ITGA4: variants seen among roughly 807,000 people sequenced by gnomAD.
The protein encoded by ITGA4 is integrin subunit alpha 4.
In ITGA4, 63 loss-of-function variants were observed where a neutral mutation model predicts 133.6. The ratio of observed to expected loss-of-function variants is 0.47; its 90% CI spans 0.38 to 0.58. ITGA4 has a LOEUF of 0.58. ITGA4 is among the 20% of genes least tolerant of loss of function. The pLI is 0.00. For missense variants in ITGA4, 1,076 were observed against 1,252.7 expected, an observed-to-expected ratio of 0.86 and a Z score of 2.13; for synonymous variants, 483 against 438.0, an observed-to-expected ratio of 1.10 and a Z score of -1.28.
chr2:181,534,790 AGTTTT>A, intron 26 of ITGA4, 21 bp from the exon 27 acceptor site: 1 of 1,505,332 alleles, frequency 6.6e-7, no homozygotes, highest in African/African-American at 1.5e-5. Flanking sequence ...TTGGTTTTTG[AGTTTT>A]ATTTTTCTTA....
chr2:181,500,815 A>T (rs1331372989), intron 15 of ITGA4, among the ~76,000 whole-genome samples: 1 of 152,162 alleles, frequency 6.6e-6, no homozygotes, highest in East Asian at 1.9e-4. Context: ...ATACCAGTGA[A>T]TAAGACATAA....
rs200906508 is a variant in ITGA4 at position 181,536,143 on chromosome 2, A to C, written c.*616A>C. ...TATAGGCCAAACTGGCAAACTTCAG[A>C]CTGAACATGTACACTGGTTTGAGCT... On this transcript the variant is annotated 3_prime_UTR_variant, in exon 28 of 28. Coordinates refer to ENST00000397033, the MANE Select transcript of ITGA4 (RefSeq NM_000885.6). 6.6e-6 allele frequency: 1 copy of C among 151,990 alleles called. No individual in the cohort carries two copies. The highest frequency in any genetic ancestry group is 1.5e-5 in the Non-Finnish European group (1 of 67,968). 9.4% of individuals were successfully genotyped at this position (151,990 alleles called of 1,614,324 possible).
chr2:181,475,991 A>C, intron 4 of ITGA4: 21 of 1,018,960 alleles, frequency 2.1e-5, no homozygotes, highest in Admixed American at 3.7e-5. Flanking sequence ...ACCCTCACTC[A>C]AAAAAAATCC....
chr2:181,528,072 C>A (rs1294430407), intron 22 of ITGA4, among the ~76,000 whole-genome samples: 5 of 152,152 alleles, frequency 3.3e-5, no homozygotes, highest in African/African-American at 1.2e-4. Context: ...TCCAAGCATT[C>A]TTATAGAATA....
rs1040665883 is a variant in ITGA4, at chr2:181,536,664, C to G, written c.*1137C>G. On this transcript the variant is annotated 3_prime_UTR_variant, in exon 28 of 28. Transcript: ENST00000397033. ...TATACAGTGAATATAAATGAGACGA[C>G]AGCAAAATTTTCATGAAATGTAAAA... is the stretch of plus-strand genomic sequence containing the variant. 1 of 179,758 alleles carries G rather than the reference C, an allele frequency of 5.6e-6. No individual in the cohort carries two copies. Among genetic ancestry groups the G allele is most frequent in the Non-Finnish European group, 1.2e-5 (1 of 84,054 alleles). 11.1% of individuals were successfully genotyped at this position (179,758 alleles called of 1,614,324 possible).
chr2:181,512,122 T>C (rs1209333552), intron 17 of ITGA4, among the ~76,000 whole-genome samples: 3 of 152,084 alleles, frequency 2.0e-5, no homozygotes, highest in East Asian at 1.9e-4. Context: ...TATTTTATAA[T>C]GGCAAATAAA....
Position 181,482,618 on chromosome 2 carries a change from A to G in ITGA4, c.1008A>G (p.Glu336=), listed in dbSNP as rs760105496. The change falls in exon 9 of 28, where the codon GAA becomes GAG. Residue 336 remains glutamate (E), a synonymous_variant. Coordinates refer to ENST00000397033, the MANE Select transcript of ITGA4 (RefSeq NM_000885.6). Reference sequence around the variant, plus strand: ...CCATGCAGAGCACCATCAGAGAGGAAGGAAGAGTGTTTGTGTACATCAACT... The same window carrying G: ...CCATGCAGAGCACCATCAGAGAGGAGGGAAGAGTGTTTGTGTACATCAACT... ...GAPMQSTIRE[E]GRVFVYINSG... 1.2e-6 allele frequency: 2 copies of G among 1,613,744 alleles called. No individual in the cohort carries two copies. The highest frequency in any genetic ancestry group is 1.7e-6 in the Non-Finnish European group (2 of 1,179,688).
chr2:181,466,279 A>C (rs1298960351), intron 2 of ITGA4, among the ~76,000 whole-genome samples: 1 of 151,824 alleles, frequency 6.6e-6, no homozygotes, highest in African/African-American at 2.4e-5. Context: ...ACTCTTTCTA[A>C]ATAGAATAGA....
rs1686787393 is a variant in ITGA4, at chr2:181,524,231, AT to A, written c.2231del (p.Ile744ThrfsTer16). 1 of 1,585,590 alleles carries A rather than the reference AT, an allele frequency of 6.3e-7. No homozygotes were observed. The highest frequency in any genetic ancestry group is 1.4e-5 in the African/African-American group (1 of 73,576). ...SLSRAEEDLS[I>X]TVHATCENEE... ...CAGCAGAGCGGAAGAGGACCTCAGT[AT>A]CACAGTGCATGCTACCTGGTATAAT... On this transcript the variant is annotated frameshift_variant, in exon 20 of 28. Coordinates refer to ENST00000397033, the MANE Select transcript of ITGA4 (RefSeq NM_000885.6). LOFTEE classifies it high-confidence loss of function.
intron 2 of ITGA4, among the ~76,000 whole-genome samples, chr2:181,467,043 T>G (rs369458879): frequency 1.3e-5 from 2 of 152,190 alleles, no homozygotes; most frequent in African/African-American, 4.8e-5. Flanking sequence ...TCTGAAGTTA[T>G]GTGAGTGAAG....
At chr2:181,469,503 G>A (rs1316694563) in intron 2 of ITGA4, among the ~76,000 whole-genome samples, 1 of 152,210 alleles carries the variant, frequency 6.6e-6, no homozygotes, top group African/African-American at 2.4e-5. Flanking sequence ...GGAAGACAGT[G>A]TGGCGATTCC....
rs747159893 is a variant in ITGA4, at chr2:181,498,743, A to AAGC, written c.1662_1664dup (p.Ala555dup). 5.4e-5 allele frequency: 87 copies of AAGC among 1,611,822 alleles called. No individual in the cohort carries two copies. In the African/African-American group the frequency reaches 8.3e-4, roughly 15 times the overall value. ...GGAAGCATACAGGTGTCCAGCAGAGAAGCTAACTGTAGAACACATCAAGCA... is the reference window on the plus strand; with the variant it reads ...GGAAGCATACAGGTGTCCAGCAGAGAAGCAGCTAACTGTAGAACACATCAAGCA... On this transcript the variant is annotated inframe_insertion, in exon 15 of 28. Coordinates refer to ENST00000397033, the MANE Select transcript of ITGA4 (RefSeq NM_000885.6).
chr2:181,536,820 A>G lies in ITGA4; in HGVS notation c.*1293A>G, dbSNP rs1687134688. The G allele has an allele frequency of 3.0e-6, 1 of 330,028 alleles. No homozygotes were observed. The highest frequency in any genetic ancestry group is 2.5e-5 in the South Asian group (1 of 39,548). 20.4% of individuals were successfully genotyped at this position (330,028 alleles called of 1,614,324 possible). On this transcript the variant is annotated 3_prime_UTR_variant, in exon 28 of 28. Coordinates refer to ENST00000397033, the MANE Select transcript of ITGA4 (RefSeq NM_000885.6). Reference sequence around the variant, plus strand: ...CTTATGATCTAGATAATTGCAGAATATCATTTTATCTGACTCTGCCTTCAT... The same window carrying G: ...CTTATGATCTAGATAATTGCAGAATGTCATTTTATCTGACTCTGCCTTCAT...
chr2:181,501,977 C>T (rs991240393), intron 15 of ITGA4, among the ~76,000 whole-genome samples: 1 of 152,042 alleles, frequency 6.6e-6, no homozygotes, highest in Non-Finnish European at 1.5e-5. Flanking sequence ...GGGCCACCGT[C>T]TGTACTCTGG....
rs981756946 is a variant in ITGA4, at chr2:181,478,182, A to G, written c.557-575A>G. Among the ~76,000 whole-genome samples, 8 of 152,206 alleles carry G rather than the reference A, an allele frequency of 5.3e-5. No homozygotes were observed. In the East Asian group the frequency reaches 1.4e-3, roughly 26 times the overall value. Reference sequence around the variant, plus strand: ...TGGAATCTAAAAAAGTCAAATACATAGAGAAGAAGGTGAGCAGAGAGAGGG... The same window carrying G: ...TGGAATCTAAAAAAGTCAAATACATGGAGAAGAAGGTGAGCAGAGAGAGGG... On this transcript the variant is annotated intron_variant, in intron 4 of 27. Transcript: ENST00000397033.
chr2:181,474,956 A>T lies in ITGA4; in HGVS notation c.320-4A>T, dbSNP rs367965457. The T allele has an allele frequency of 1.2e-5, 19 of 1,604,516 alleles. No homozygotes were observed. Among genetic ancestry groups the T allele is most frequent in the Non-Finnish European group, 1.5e-5 (18 of 1,171,548 alleles). On this transcript the variant is annotated splice_polypyrimidine_tract_variant and splice_region_variant and intron_variant, in intron 2 of 27. Coordinates refer to ENST00000397033, the MANE Select transcript of ITGA4 (RefSeq NM_000885.6). ...ACTGATAAAATTATTTTCACATGCT[A>T]TAGGTAGCCCTAATGGAGAACCTTG...
chr2:181,508,103 A>T (rs938608563), intron 15 of ITGA4, among the ~76,000 whole-genome samples: 2 of 152,132 alleles, frequency 1.3e-5, no homozygotes, highest in Admixed American at 1.3e-4. Flanking sequence ...AAAGAAAATA[A>T]TGTCTGCATA....
rs1375504650 is a variant in ITGA4 at position 181,538,309 on chromosome 2, T to G, written c.*2782T>G. The G allele has an allele frequency of 2.2e-6, 2 of 892,176 alleles. No homozygotes were observed. The highest frequency in any genetic ancestry group is 3.7e-6 in the Non-Finnish European group (2 of 536,096). The allele number at this position is 892,176 out of a possible 1,614,324, so 55.3% of individuals were successfully genotyped here. A position where few individuals can be genotyped will look rare whatever the true frequency, so the allele number is the denominator to read the frequency against. Reference sequence around the variant, plus strand: ...GTTTTTCACATACACCTAATAAGTATGGTACACAATGCCAATGCCAAATAC... The same window carrying G: ...GTTTTTCACATACACCTAATAAGTAGGGTACACAATGCCAATGCCAAATAC... On this transcript the variant is annotated 3_prime_UTR_variant, in exon 28 of 28. Transcript: ENST00000397033.
At chr2:181,465,413 CT>C (rs371621236) in intron 2 of ITGA4, among the ~76,000 whole-genome samples, 15 of 152,124 alleles carry the variant, frequency 9.9e-5, no homozygotes, top group Admixed American at 7.2e-4. Context: ...TCATTGCTGT[CT>C]TTTTTTCTTT....
Sources: gnomAD v4.1 joint callset for allele counts (sites outside exome capture counted in the v4.1 genomes callset) on GRCh38, gnomAD v4.1.1 for gene constraint, MANE v1.5 for transcripts, NCBI Gene and HGNC (gene_info 2026-07-23, HGNC 2026-07-21) for gene names.